Variants in MTSS1 observed in about 807,000 individuals in gnomAD.
MTSS1 encodes protein MTSS 1.
MTSS1 carries 18 observed loss-of-function variants against 79.0 expected under a neutral mutation model. The ratio of observed to expected loss-of-function variants is 0.23; its 90% CI spans 0.16 to 0.34. The LOEUF (loss-of-function observed/expected upper bound fraction) is 0.34. Among genes scored for constraint, MTSS1 ranks in the 10% least tolerant of loss-of-function variants. The pLI is 1.00. For missense variants in MTSS1, 815 were observed against 986.2 expected (o/e 0.83, Z 2.33); for synonymous variants, 341 against 368.6 (o/e 0.93, Z 0.86).
chr8:124,649,475 G>A (rs1404995474), intron 3 of MTSS1, among the ~76,000 whole-genome samples: 1 of 152,020 alleles, frequency 6.6e-6, no homozygotes, highest in Non-Finnish European at 1.5e-5. Context: ...CATGACCCTG[G>A]CGAGCCTTGG....
intron 9 of MTSS1, chr8:124,563,332 A>G: frequency 3.2e-6 from 1 of 313,182 alleles, no homozygotes; most frequent in Non-Finnish European, 6.1e-6. Flanking sequence ...TTCGCCTACC[A>G]CCAAAACGAG....
At chr8:124,626,030 G>A (rs1340835679) in intron 3 of MTSS1, among the ~76,000 whole-genome samples, 1 of 152,212 alleles carries the variant, frequency 6.6e-6, no homozygotes, top group Middle Eastern at 3.2e-3. Context: ...GATGAAGACT[G>A]AAAGGGAGAG....
chr8:124,624,966 T>C (rs4871520), intron 3 of MTSS1, among the ~76,000 whole-genome samples: 70,106 of 152,096 alleles, frequency 0.46, 17,448 homozygotes, highest in African/African-American at 0.65. Flanking sequence ...CATATTTCCC[T>C]AGCCACAGAC....
intron 9 of MTSS1, among the ~76,000 whole-genome samples, chr8:124,565,000 A>C (rs1826096070): frequency 6.6e-6 from 1 of 152,270 alleles, no homozygotes; most frequent in African/African-American, 2.4e-5. Context: ...TAGATGGTAC[A>C]TCATGCTTCC....
intron 3 of MTSS1, among the ~76,000 whole-genome samples, chr8:124,605,639 G>GCCTCCCTCCCTGCCCTCGCGCT (rs1587204936): frequency 6.7e-6 from 1 of 149,806 alleles, no homozygotes; most frequent in Non-Finnish European, 1.5e-5. Flanking sequence ...CCCTCGCGCT[G>GCCTCCCTCCCTGCCCTCGCGCT]GGCTCCCGTT....
chr8:124,660,953 G>A (rs558601076), intron 3 of MTSS1, among the ~76,000 whole-genome samples: 12 of 152,258 alleles, frequency 7.9e-5, no homozygotes, highest in African/African-American at 2.4e-4. Context: ...GTACACACAC[G>A]CACAATTTGG....
At position 124,570,998 on chromosome 8, in the gene MTSS1, C is replaced by A. The variant is rs548640215; in HGVS notation, c.461-2462G>T. 3.3e-5 allele frequency among the ~76,000 whole-genome samples: 5 copies of A among 152,270 alleles called. No individual in the cohort carries two copies. The East Asian group carries it at 9.7e-4, about 29-fold the overall frequency. On this transcript the variant is annotated intron_variant, in intron 6 of 13. Transcript: ENST00000518547. ...GTTTCAGCATATTTTCAAGGTGACCCACTCACCCATTCTTCCATGTAGTCA... is the reference window on the plus strand; with the variant it reads ...GTTTCAGCATATTTTCAAGGTGACCAACTCACCCATTCTTCCATGTAGTCA...
At chr8:124,722,132 T>G (rs1456329504) in intron 1 of MTSS1, among the ~76,000 whole-genome samples, 1 of 152,070 alleles carries the variant, frequency 6.6e-6, no homozygotes, top group Non-Finnish European at 1.5e-5. Flanking sequence ...GATTTTTTTT[T>G]TTCACCCACT....
intron 3 of MTSS1, among the ~76,000 whole-genome samples, chr8:124,686,262 G>A (rs538081164): frequency 1.3e-5 from 2 of 152,038 alleles, no homozygotes; most frequent in Non-Finnish European, 2.9e-5. Flanking sequence ...CGCAGGGAGC[G>A]CAACACGAAC....
At chr8:124,679,315 T>G (rs905724863) in intron 3 of MTSS1, among the ~76,000 whole-genome samples, 1 of 152,216 alleles carries the variant, frequency 6.6e-6, no homozygotes, top group African/African-American at 2.4e-5. Flanking sequence ...ATTTGAAAAT[T>G]CACAAGGGTC....
chr8:124,668,347 A>G (rs1418603983), intron 3 of MTSS1, among the ~76,000 whole-genome samples: 1 of 152,206 alleles, frequency 6.6e-6, no homozygotes, highest in African/African-American at 2.4e-5. Context: ...AGGAGGTGTC[A>G]CCAGATCTGC....
chr8:124,699,360 G>T, intron 3 of MTSS1, 166 bp downstream of exon 3: 1 of 609,026 alleles, frequency 1.6e-6, no homozygotes, highest in Non-Finnish European at 2.9e-6. Flanking sequence ...CAGAAAACTA[G>T]TTGCAACTTC....
intron 3 of MTSS1, among the ~76,000 whole-genome samples, chr8:124,603,090 A>G (rs1834204856): frequency 6.6e-6 from 1 of 152,168 alleles, no homozygotes; most frequent in African/African-American, 2.4e-5. Flanking sequence ...CAGTGGCACC[A>G]TCTCAGCTCA....
At chr8:124,558,336 T>G in intron 10 of MTSS1, among the ~76,000 whole-genome samples, 1 of 150,082 alleles carries the variant, frequency 6.7e-6, no homozygotes, top group African/African-American at 2.5e-5. Flanking sequence ...GGGGTGGGGG[T>G]GCAAACTAAA....
chr8:124,597,857 G>A lies in MTSS1; in HGVS notation c.209-6622C>T, dbSNP rs1217129923. Among the ~76,000 whole-genome samples the A allele has an allele frequency of 6.6e-6, 1 of 152,246 alleles. No homozygotes were observed. The highest frequency in any genetic ancestry group is 1.9e-4 in the East Asian group (1 of 5,188). On this transcript the variant is annotated intron_variant, in intron 3 of 13. Coordinates refer to ENST00000518547, the MANE Select transcript of MTSS1 (RefSeq NM_014751.6). This position sits in a 1 kb window ranked among gnomAD's most constrained non-coding sequence, Gnocchi z 4.6. Reference sequence around the variant, plus strand: ...TTAGGAGCCAGACAGAACCAGAGGAGAGGAGAACGCTCTCAGGCATCTCTG... The same window carrying A: ...TTAGGAGCCAGACAGAACCAGAGGAAAGGAGAACGCTCTCAGGCATCTCTG...
intron 5 of MTSS1, among the ~76,000 whole-genome samples, chr8:124,588,844 A>G (rs1419778293): frequency 6.6e-6 from 1 of 151,910 alleles, no homozygotes; most frequent in Non-Finnish European, 1.5e-5. Flanking sequence ...CCTCCCGAGT[A>G]GTTGGGATTA....
At chr8:124,591,438 T>A (rs551259544) in intron 3 of MTSS1, among the ~76,000 whole-genome samples, 1 of 152,370 alleles carries the variant, frequency 6.6e-6, no homozygotes, top group African/African-American at 2.4e-5. Context: ...GATTTCTGTA[T>A]CACCAAAACT....
intron 3 of MTSS1, among the ~76,000 whole-genome samples, chr8:124,663,451 G>A (rs2134433396): frequency 6.6e-6 from 1 of 152,080 alleles, no homozygotes; most frequent in South Asian, 2.1e-4. Context: ...AAGCCTCTGA[G>A]GCCAGTTAGG....
At chr8:124,688,260 C>T (rs144325009) in intron 3 of MTSS1, among the ~76,000 whole-genome samples, 113 of 150,676 alleles carry the variant, frequency 7.5e-4, no homozygotes, top group Middle Eastern at 6.8e-3. Context: ...TGTGTGTGTG[C>T]ATGTGTATGT....
Sources: allele counts gnomAD v4.1 joint callset (sites outside exome capture counted in the v4.1 genomes callset), GRCh38; gene constraint gnomAD v4.1.1; non-coding constraint Gnocchi (gnomAD v3.1); transcripts MANE v1.5; gene names NCBI Gene and HGNC (gene_info 2026-07-23, HGNC 2026-07-21).